Variants in VTI1A observed in about 807,000 individuals in gnomAD.
The protein encoded by VTI1A is vesicle transport through interaction with t-SNAREs homolog 1A.
VTI1A carries 22 observed loss-of-function variants against 34.9 expected under a neutral mutation model. That is an observed-to-expected ratio of 0.63 (90% CI 0.45 to 0.90). VTI1A has a LOEUF of 0.90. Ranked by LOEUF, VTI1A falls within the 40% of genes least tolerant of loss-of-function variation. The pLI, the probability that VTI1A is intolerant of heterozygous loss-of-function variation, is 0.00. For missense variants in VTI1A, 268 were observed against 275.6 expected (o/e 0.97, Z 0.20); for synonymous variants, 87 against 97.3 (o/e 0.89, Z 0.62).
chr10:112,607,440 C>G (rs1845127846), intron 5 of VTI1A, among the ~76,000 whole-genome samples: 1 of 152,172 alleles, frequency 6.6e-6, no homozygotes, highest in Non-Finnish European at 1.5e-5. Flanking sequence ...TGTACCCACT[C>G]TACACCAACA....
At chr10:112,627,881 A>T (rs1428071897) in intron 5 of VTI1A, among the ~76,000 whole-genome samples, 2 of 152,162 alleles carry the variant, frequency 1.3e-5, no homozygotes, top group African/African-American at 4.8e-5. Flanking sequence ...AAAGTAGGAT[A>T]AAAGGATAGA....
At chr10:112,678,362 TA>T (rs1848100753) in intron 7 of VTI1A, among the ~76,000 whole-genome samples, 1 of 152,318 alleles carries the variant, frequency 6.6e-6, no homozygotes, top group Non-Finnish European at 1.5e-5. Context: ...GCCTTCCTTA[TA>T]AACAAGTAAT....
chr10:112,518,681 A>G (rs1849898503), intron 3 of VTI1A, among the ~76,000 whole-genome samples: 1 of 150,180 alleles, frequency 6.7e-6, no homozygotes, highest in Non-Finnish European at 1.5e-5. Context: ...ACACACACAC[A>G]CATAACTTTT....
chr10:112,699,834 A>G (rs541497131), intron 7 of VTI1A, among the ~76,000 whole-genome samples: 1 of 136,226 alleles, frequency 7.3e-6, no homozygotes, highest in South Asian at 2.5e-4. Context: ...TCTCAAAAAA[A>G]AAAAGACTGG....
chr10:112,559,900 G>T (rs1851666004), intron 5 of VTI1A, among the ~76,000 whole-genome samples: 1 of 152,160 alleles, frequency 6.6e-6, no homozygotes, highest in Non-Finnish European at 1.5e-5. Flanking sequence ...AATGGAAAAG[G>T]TATTCTATTC....
chr10:112,760,932 A>G (rs1851443414), intron 7 of VTI1A, among the ~76,000 whole-genome samples: 1 of 151,780 alleles, frequency 6.6e-6, no homozygotes, highest in Non-Finnish European at 1.5e-5. Flanking sequence ...AACAATACAG[A>G]TGTTCATTGA....
chr10:112,668,536 A>G (rs1361544328), intron 6 of VTI1A, among the ~76,000 whole-genome samples: 1 of 152,104 alleles, frequency 6.6e-6, no homozygotes, highest in African/African-American at 2.4e-5. Context: ...TCACTGAGGG[A>G]GATTTTGGAG....
intron 7 of VTI1A, among the ~76,000 whole-genome samples, chr10:112,736,043 T>C (rs1437332913): frequency 6.8e-6 from 1 of 147,600 alleles, no homozygotes; most frequent in Non-Finnish European, 1.5e-5. Context: ...ATATAGTATA[T>C]GTTTATATAC....
intron 5 of VTI1A, among the ~76,000 whole-genome samples, chr10:112,634,002 T>C (rs904617118): frequency 2.0e-5 from 3 of 152,226 alleles, no homozygotes; most frequent in African/African-American, 4.8e-5. Context: ...AACACCTTTT[T>C]CCCAGAGTAA....
At chr10:112,573,524 T>G (rs1365172594) in intron 5 of VTI1A, among the ~76,000 whole-genome samples, 1 of 152,208 alleles carries the variant, frequency 6.6e-6, no homozygotes, top group Non-Finnish European at 1.5e-5. Flanking sequence ...AAAAAGAAAT[T>G]GACTGAGGTA....
intron 7 of VTI1A, among the ~76,000 whole-genome samples, chr10:112,760,964 T>A (rs1214871460): frequency 6.6e-6 from 1 of 152,074 alleles, no homozygotes; most frequent in Non-Finnish European, 1.5e-5. Flanking sequence ...AACTTCACAT[T>A]TGATTTAAGA....
chr10:112,721,692 G>A (rs989599036), intron 7 of VTI1A, among the ~76,000 whole-genome samples: 7 of 152,066 alleles, frequency 4.6e-5, no homozygotes, highest in African/African-American at 1.4e-4. Context: ...TGTGCTGTTG[G>A]GCACTCATTT....
intron 5 of VTI1A, among the ~76,000 whole-genome samples, 149 bp from the exon 6 acceptor site, chr10:112,668,065 GTTTA>G (rs1284571986): frequency 6.6e-6 from 1 of 152,040 alleles, no homozygotes; most frequent in Non-Finnish European, 1.5e-5. Flanking sequence ...ATCAAATACT[GTTTA>G]TATTTTTCAA....
chr10:112,511,363 C>A (rs1177733030), intron 3 of VTI1A, among the ~76,000 whole-genome samples: 2 of 151,896 alleles, frequency 1.3e-5, no homozygotes, highest in African/African-American at 4.8e-5. Context: ...CCTGCCTCAG[C>A]CTCCCAAGTA....
At chr10:112,520,656 T>C (rs1849988629) in intron 3 of VTI1A, among the ~76,000 whole-genome samples, 1 of 148,448 alleles carries the variant, frequency 6.7e-6, no homozygotes, top group Non-Finnish European at 1.5e-5. Context: ...TGTATATATA[T>C]ATATATATAT....
At chr10:112,519,392 A>G (rs1287426814) in intron 3 of VTI1A, among the ~76,000 whole-genome samples, 2 of 152,168 alleles carry the variant, frequency 1.3e-5, no homozygotes, top group Non-Finnish European at 2.9e-5. Flanking sequence ...CTCTGAGATC[A>G]GATGCTTTAT....
chr10:112,668,143 A>G (rs1036564025), intron 5 of VTI1A, 75 bp from the exon 6 acceptor site: 13 of 1,237,150 alleles, frequency 1.1e-5, no homozygotes, highest in Non-Finnish European at 1.5e-5. Flanking sequence ...ATTTTATGCC[A>G]TTTTAGTATT....
intron 7 of VTI1A, among the ~76,000 whole-genome samples, chr10:112,733,579 G>A (rs78522384): frequency 0.018 from 2,768 of 152,128 alleles, 87 homozygotes; most frequent in African/African-American, 0.063. Context: ...TTATTCATAT[G>A]TTCTCTGTTT....
chr10:112,531,320 A>G (rs988042516), intron 4 of VTI1A, among the ~76,000 whole-genome samples: 1 of 152,164 alleles, frequency 6.6e-6, no homozygotes, highest in Non-Finnish European at 1.5e-5. Flanking sequence ...TGATTATCAT[A>G]ACTCAACATG....
Sources: gnomAD v4.1 joint callset for allele counts (sites outside exome capture counted in the v4.1 genomes callset) on GRCh38, gnomAD v4.1.1 for gene constraint, MANE v1.5 for transcripts, NCBI Gene and HGNC (gene_info 2026-07-23, HGNC 2026-07-21) for gene names.